CAMK2B: variants seen among roughly 807,000 people sequenced by gnomAD.
CAMK2B encodes calcium/calmodulin dependent protein kinase II beta, also known as calcium/calmodulin-dependent protein kinase type II subunit beta.
A neutral mutation model predicts 93.7 loss-of-function variants in CAMK2B; 27 were observed. That is an observed-to-expected ratio of 0.29 (90% CI 0.21 to 0.40). CAMK2B has a LOEUF of 0.40. CAMK2B is among the 10% of genes least tolerant of loss of function. The pLI is 1.00. For missense variants in CAMK2B, 568 were observed against 895.8 expected (o/e 0.63, Z 4.67); for synonymous variants, 374 against 358.8 (o/e 1.04, Z -0.48).
rs1793915024 is a variant in CAMK2B, at chr7:44,312,867, C to G, written c.65+12490G>C. Among the ~76,000 whole-genome samples the G allele has an allele frequency of 6.6e-6, 1 of 152,154 alleles. No homozygotes were observed. Among genetic ancestry groups the G allele is most frequent in the Non-Finnish European group, 1.5e-5 (1 of 68,030 alleles). On this transcript the variant is annotated intron_variant, in intron 1 of 23. Transcript: ENST00000395749. The surrounding 1 kb of genome is among the most constrained non-coding windows in gnomAD (Gnocchi z 4.1). ...GAAAAGCATCAAAATCACTGCTTTT[C>G]TCAGGGTTTTTGACTGGGAGGGGTG...
chr7:44,311,325 C>A lies in CAMK2B; in HGVS notation c.65+14032G>T, dbSNP rs1008833619. The stretch of plus-strand genomic sequence containing the variant: ...TCCTGACTTCAAGTGATCCGCCCAT[C>A]TCGGCCTCCCAAAGTGCTGGGATTA... On this transcript the variant is annotated intron_variant, in intron 1 of 23. Transcript: ENST00000395749. The surrounding 1 kb of genome is among the most constrained non-coding windows in gnomAD (Gnocchi z 4.2). Among the ~76,000 whole-genome samples the A allele has an allele frequency of 7.9e-5, 12 of 152,224 alleles. No individual in the cohort carries two copies. Among genetic ancestry groups the A allele is most frequent in the African/African-American group, 2.7e-4 (11 of 41,452 alleles).
At chr7:44,219,836 T>C (rs2096376463) in intron 23 of CAMK2B, among the ~76,000 whole-genome samples, 1 of 152,070 alleles carries the variant, frequency 6.6e-6, no homozygotes, top group Non-Finnish European at 1.5e-5. Context: ...TGTGGACTGC[T>C]CAGGCCCTCA....
At chr7:44,285,905 T>C in intron 1 of CAMK2B, among the ~76,000 whole-genome samples, 2 of 151,030 alleles carry the variant, frequency 1.3e-5, no homozygotes, top group African/African-American at 2.4e-5. Flanking sequence ...GGTGAGGTGT[T>C]CACTGTTCAC....
At chr7:44,221,077 A>G (rs1313149731) in intron 20 of CAMK2B, 176 bp from the exon 21 acceptor site, 6 of 586,330 alleles carry the variant, frequency 1.0e-5, no homozygotes, top group Non-Finnish European at 1.5e-5. Context: ...TGGCTTCCTC[A>G]TTTTCAAGTG....
intron 5 of CAMK2B, among the ~76,000 whole-genome samples, chr7:44,254,111 C>G (rs1418516011): frequency 6.6e-6 from 1 of 152,270 alleles, no homozygotes; most frequent in Non-Finnish European, 1.5e-5. Context: ...CTGTCACCTC[C>G]CCAGCTGACA....
At chr7:44,256,288 CAT>C (rs2096832954) in intron 4 of CAMK2B, among the ~76,000 whole-genome samples, 1 of 152,234 alleles carries the variant, frequency 6.6e-6, no homozygotes, top group Admixed American at 6.5e-5. Flanking sequence ...CACGTGTTCA[CAT>C]GTGTGGATGC....
chr7:44,267,263 C>G (rs544102492), intron 2 of CAMK2B, among the ~76,000 whole-genome samples: 2 of 152,248 alleles, frequency 1.3e-5, no homozygotes, highest in Admixed American at 1.3e-4. Flanking sequence ...GTCCCTGGGG[C>G]ACAAAAAGCC....
chr7:44,269,558 G>A (rs942536852), intron 2 of CAMK2B, among the ~76,000 whole-genome samples: 1 of 152,170 alleles, frequency 6.6e-6, no homozygotes, highest in East Asian at 1.9e-4. Flanking sequence ...CAGGGGGTGG[G>A]GGGTGGTGAG....
At chr7:44,255,858 T>C (rs2096829190) in intron 4 of CAMK2B, among the ~76,000 whole-genome samples, 1 of 152,196 alleles carries the variant, frequency 6.6e-6, no homozygotes, top group Non-Finnish European at 1.5e-5. Flanking sequence ...GCTAAACGCA[T>C]GCCCTGATGA....
At chr7:44,228,413 G>A (rs2096540969) in intron 19 of CAMK2B, among the ~76,000 whole-genome samples, 1 of 152,100 alleles carries the variant, frequency 6.6e-6, no homozygotes. Context: ...CCATGGGCAG[G>A]GCCCCTGGGT....
intron 2 of CAMK2B, among the ~76,000 whole-genome samples, chr7:44,272,345 C>A (rs1257492000): frequency 2.0e-5 from 3 of 152,146 alleles, no homozygotes; most frequent in Admixed American, 6.5e-5. Flanking sequence ...GAGGCAGACA[C>A]CCCTCTCCTC....
intron 5 of CAMK2B, 74 bp from the exon 6 acceptor site, chr7:44,247,266 A>G (rs1370211222): frequency 3.1e-6 from 4 of 1,271,402 alleles, no homozygotes; most frequent in Non-Finnish European, 4.6e-6. Context: ...GGGCAGGGGC[A>G]ATGGTGCTGT....
chr7:44,291,210 C>T (rs369804053), intron 1 of CAMK2B, among the ~76,000 whole-genome samples: 4 of 152,140 alleles, frequency 2.6e-5, no homozygotes, highest in African/African-American at 4.8e-5. Flanking sequence ...CCTGGGGTTC[C>T]GCCAAGTGGG....
chr7:44,246,309 G>A (rs766132953), intron 6 of CAMK2B, among the ~76,000 whole-genome samples: 4 of 152,154 alleles, frequency 2.6e-5, no homozygotes, highest in East Asian at 1.9e-4. Context: ...GCTGGAGTGC[G>A]GTGTAATAGG....
intron 1 of CAMK2B, 46 bp downstream of exon 1, chr7:44,325,311 G>T: frequency 1.8e-6 from 2 of 1,126,804 alleles, no homozygotes; most frequent in African/African-American, 1.7e-5. Context: ...GGAGGTCCCG[G>T]CCCTCTGGGG....
chr7:44,234,128 C>T (rs2096603859), intron 15 of CAMK2B, among the ~76,000 whole-genome samples: 3 of 152,346 alleles, frequency 2.0e-5, no homozygotes, highest in South Asian at 4.1e-4. Context: ...GGGCCTCTCC[C>T]CTGCACCCCA....
intron 1 of CAMK2B, among the ~76,000 whole-genome samples, chr7:44,305,306 G>A (rs1196517339): frequency 1.3e-5 from 2 of 152,188 alleles, no homozygotes; most frequent in Non-Finnish European, 2.9e-5. Context: ...CATGGATGTG[G>A]AGGTGGGATC....
rs117169961 is a variant in CAMK2B, at chr7:44,221,050, C to A, written c.1598-149G>T. The A allele has an allele frequency of 5.6e-3, 3,502 of 622,160 alleles. 11 individuals are homozygous for A. The highest frequency in any genetic ancestry group is 7.2e-3 in the Non-Finnish European group (2,538 of 352,394). 38.5% of individuals were successfully genotyped at this position (622,160 alleles called of 1,614,324 possible). ...TTGCAGAAGAGGTCCTCTCCGCCGC[C>A]CCCCCTGCATCACCAGTGGCTTCCT... is the stretch of plus-strand genomic sequence containing the variant. On this transcript the variant is annotated intron_variant, in intron 20 of 23. Transcript: ENST00000395749.
At chr7:44,318,509 G>A (rs918025312) in intron 1 of CAMK2B, among the ~76,000 whole-genome samples, 1 of 152,228 alleles carries the variant, frequency 6.6e-6, no homozygotes, top group Non-Finnish European at 1.5e-5. Flanking sequence ...TTGAATTCAG[G>A]GTGTGTTGGG....
Sources: allele counts gnomAD v4.1 joint callset (sites outside exome capture counted in the v4.1 genomes callset), GRCh38; gene constraint gnomAD v4.1.1; non-coding constraint Gnocchi (gnomAD v3.1); transcripts MANE v1.5; gene names NCBI Gene and HGNC (gene_info 2026-07-23, HGNC 2026-07-21).